Variants in GALNT17 observed in about 807,000 individuals in gnomAD.
The protein encoded by GALNT17 is UDP-GalNAc:polypeptide N-acetylgalactosaminyltransferase-like 3.
A neutral mutation model predicts 63.7 loss-of-function variants in GALNT17; 29 were observed. The observed-to-expected ratio is 0.46, with a 90% CI of 0.34 to 0.62. The LOEUF (loss-of-function observed/expected upper bound fraction) is 0.62. Ranked by LOEUF, GALNT17 falls within the 20% of genes least tolerant of loss-of-function variation. The pLI is 0.01. For synonymous variants in GALNT17, 305 were observed against 318.3 expected (o/e 0.96, Z 0.45); for missense variants, 603 against 799.6 (o/e 0.75, Z 2.97).
chr7:71,588,056 G>A (rs955619483), intron 6 of GALNT17, among the ~76,000 whole-genome samples: 1 of 152,184 alleles, frequency 6.6e-6, no homozygotes, highest in African/African-American at 2.4e-5. Flanking sequence ...TTTAGAGACC[G>A]AAGTCTTGTC....
chr7:71,709,546 G>A (rs1249627615), intron 9 of GALNT17, among the ~76,000 whole-genome samples: 2 of 151,386 alleles, frequency 1.3e-5, no homozygotes, highest in Admixed American at 1.3e-4. Context: ...AAAATGTGGT[G>A]AATAATCTCT....
intron 6 of GALNT17, among the ~76,000 whole-genome samples, chr7:71,595,444 AG>A (rs140766937): frequency 0.03 from 4,593 of 151,234 alleles, 216 homozygotes; most frequent in African/African-American, 0.11. Context: ...AAAAAAAAAA[AG>A]ATGCAAAGGA....
intron 1 of GALNT17, among the ~76,000 whole-genome samples, chr7:71,273,132 G>A (rs1790622986): frequency 6.6e-6 from 1 of 151,992 alleles, no homozygotes; most frequent in Non-Finnish European, 1.5e-5. Context: ...CCATGATAAT[G>A]ACATAAGAAC....
chr7:71,180,662 A>G (rs912583430), intron 1 of GALNT17, among the ~76,000 whole-genome samples: 2 of 152,180 alleles, frequency 1.3e-5, no homozygotes, highest in African/African-American at 4.8e-5. Context: ...TTACACCACT[A>G]GACACCTGGG....
Position 71,232,441 on chromosome 7 carries a change from G to T in GALNT17, c.238+99401G>T, listed in dbSNP as rs1406675442. Among the ~76,000 whole-genome samples, 4 of 152,186 alleles carry T rather than the reference G, an allele frequency of 2.6e-5. No homozygotes were observed. In the East Asian group the frequency reaches 7.7e-4, roughly 29 times the overall value. ...TACTTGTATTTTAGCCAAAGCAGTG[G>T]GGAGTAGGGGGGAGTCACAGATATA... On this transcript the variant is annotated intron_variant, in intron 1 of 10. Transcript: ENST00000333538.
Position 71,415,883 on chromosome 7 carries a change from T to A in GALNT17, c.590-6T>A. On this transcript the variant is annotated splice_region_variant and splice_polypyrimidine_tract_variant and intron_variant, in intron 3 of 10. Transcript: ENST00000333538. ...ATAGACCTTCTTGCATTTTTGTCATTTGCAGAGGAGCTGAAGGTCCCCCTA... is the reference window on the plus strand; with the variant it reads ...ATAGACCTTCTTGCATTTTTGTCATATGCAGAGGAGCTGAAGGTCCCCCTA... The A allele has an allele frequency of 6.4e-7, 1 of 1,574,354 alleles. No individual in the cohort carries two copies. Among genetic ancestry groups the A allele is most frequent in the Non-Finnish European group, 8.6e-7 (1 of 1,159,868 alleles).
chr7:71,232,282 A>G (rs1277215649), intron 1 of GALNT17, among the ~76,000 whole-genome samples: 1 of 152,134 alleles, frequency 6.6e-6, no homozygotes, highest in Non-Finnish European at 1.5e-5. Flanking sequence ...ACTGCCCACC[A>G]CTGCCCCCAC....
At chr7:71,351,782 T>G (rs1258483051) in intron 2 of GALNT17, among the ~76,000 whole-genome samples, 1 of 152,186 alleles carries the variant, frequency 6.6e-6, no homozygotes, top group African/African-American at 2.4e-5. Flanking sequence ...TGCCCCCATT[T>G]TGTGGTACTT....
At chr7:71,661,401 A>G (rs770114800) in intron 6 of GALNT17, among the ~76,000 whole-genome samples, 16 of 152,028 alleles carry the variant, frequency 1.1e-4, no homozygotes, top group Non-Finnish European at 1.9e-4. Flanking sequence ...TGGAGTTTGG[A>G]GCAGGCAGAG....
At position 71,616,629 on chromosome 7, in the gene GALNT17, A is replaced by G. The variant is rs372856653; in HGVS notation, c.1080+45227A>G. Reference sequence around the variant, plus strand: ...TACAGTTTATATATTTTATATTTATATGTAATATAAATATATAATGTATAA... The same window carrying G: ...TACAGTTTATATATTTTATATTTATGTGTAATATAAATATATAATGTATAA... On this transcript the variant is annotated intron_variant, in intron 6 of 10. Coordinates refer to ENST00000333538, the MANE Select transcript of GALNT17 (RefSeq NM_022479.3). Among the ~76,000 whole-genome samples, 18 of 144,510 alleles carry G rather than the reference A, an allele frequency of 1.2e-4. No individual in the cohort carries two copies. In the East Asian group the frequency reaches 2.0e-3, roughly 16 times the overall value. 94.8% of individuals were successfully genotyped at this position (144,510 alleles called of 152,430 possible). A position where few individuals can be genotyped will look rare whatever the true frequency, so the allele number is the denominator to read the frequency against.
chr7:71,432,267 A>G (rs1583947677), intron 5 of GALNT17, among the ~76,000 whole-genome samples: 1 of 152,084 alleles, frequency 6.6e-6, no homozygotes, highest in African/African-American at 2.4e-5. Flanking sequence ...TTGTATGGGT[A>G]GGGCTGATTT....
At chr7:71,579,462 G>GA (rs1325262363) in intron 6 of GALNT17, among the ~76,000 whole-genome samples, 1 of 152,190 alleles carries the variant, frequency 6.6e-6, no homozygotes, top group Non-Finnish European at 1.5e-5. Flanking sequence ...TGATGAGTGT[G>GA]AAAAAACAAG....
At chr7:71,329,999 A>G (rs962178891) in intron 1 of GALNT17, among the ~76,000 whole-genome samples, 1 of 21,214 alleles carries the variant, frequency 4.7e-5, no homozygotes, top group East Asian at 8.3e-4. Context: ...ATATATACAT[A>G]TATGTGTGTA....
At chr7:71,383,734 C>CT (rs1792887276) in intron 2 of GALNT17, among the ~76,000 whole-genome samples, 1 of 152,036 alleles carries the variant, frequency 6.6e-6, no homozygotes, top group African/African-American at 2.4e-5. Context: ...ATGCTTGGCT[C>CT]TGTGTTTTTT....
At chr7:71,353,499 C>G (rs73702812) in intron 2 of GALNT17, among the ~76,000 whole-genome samples, 1,728 of 152,204 alleles carry the variant, frequency 0.011, 29 homozygotes, top group African/African-American at 0.04. Context: ...TTGAAACAGC[C>G]CTTTAGTCTT....
chr7:71,136,609 C>G (rs1257052554), intron 1 of GALNT17, among the ~76,000 whole-genome samples: 1 of 151,966 alleles, frequency 6.6e-6, no homozygotes, highest in South Asian at 2.1e-4. Flanking sequence ...CCTCAGCTCC[C>G]GAGTAGCTGG....
At chr7:71,646,009 T>G (rs1790670285) in intron 6 of GALNT17, among the ~76,000 whole-genome samples, 1 of 152,176 alleles carries the variant, frequency 6.6e-6, no homozygotes, top group Non-Finnish European at 1.5e-5. Context: ...CTGGAATGTC[T>G]GATCTTTTGA....
intron 8 of GALNT17, among the ~76,000 whole-genome samples, chr7:71,676,083 A>G (rs1343611735): frequency 5.3e-5 from 8 of 152,318 alleles, no homozygotes; most frequent in Admixed American, 5.2e-4. Flanking sequence ...ATAGATGGAA[A>G]GGACCAGCAA....
intron 6 of GALNT17, among the ~76,000 whole-genome samples, chr7:71,623,729 C>T (rs559211567): frequency 6.6e-5 from 10 of 152,284 alleles, no homozygotes; most frequent in South Asian, 6.2e-4. Context: ...AGCCACCGTG[C>T]GTGGCCTCAG....
Sources: allele counts gnomAD v4.1 joint callset (sites outside exome capture counted in the v4.1 genomes callset), GRCh38; gene constraint gnomAD v4.1.1; transcripts MANE v1.5; gene names NCBI Gene and HGNC (gene_info 2026-07-23, HGNC 2026-07-21).